PDE1A: variants seen among roughly 807,000 people sequenced by gnomAD.
PDE1A encodes the protein dual specificity calcium/calmodulin-dependent 3',5'-cyclic nucleotide phosphodiesterase 1A.
In PDE1A, 35 loss-of-function variants were observed where a neutral mutation model predicts 61.7. The ratio of observed to expected loss-of-function variants is 0.57; its 90% CI spans 0.43 to 0.75. The LOEUF is 0.75. PDE1A is among the 30% of genes least tolerant of loss of function. The probability of loss-of-function intolerance (pLI) is 0.00; values close to 1 mark genes in which losing one functional copy is unlikely to be tolerated. For synonymous variants in PDE1A, 232 were observed against 213.2 expected (o/e 1.09, Z -0.77); for missense variants, 597 against 630.6 (o/e 0.95, Z 0.57).
chr2:182,178,372 A>G (rs950697256), intron 13 of PDE1A, among the ~76,000 whole-genome samples: 1 of 152,128 alleles, frequency 6.6e-6, no homozygotes, highest in African/African-American at 2.4e-5. Context: ...TGGAGGAGGG[A>G]AAAGCTTAAC....
chr2:182,311,505 C>G (rs1402430683), intron 1 of PDE1A, among the ~76,000 whole-genome samples: 1 of 152,180 alleles, frequency 6.6e-6, no homozygotes, highest in Non-Finnish European at 1.5e-5. Flanking sequence ...CCTTTTCCCT[C>G]AATTCCCTTC....
At chr2:182,284,172 A>G (rs1234653001) in intron 1 of PDE1A, among the ~76,000 whole-genome samples, 1 of 152,122 alleles carries the variant, frequency 6.6e-6, no homozygotes, top group Non-Finnish European at 1.5e-5. Context: ...CTGAGGCTGC[A>G]TTGTCCATGA....
chr2:182,604,457 A>T, the PDE1A span, among the ~76,000 whole-genome samples: 1 of 152,226 alleles, frequency 6.6e-6, no homozygotes, highest in Non-Finnish European at 1.5e-5. Context: ...AAACAGTCAT[A>T]TTCAGAGAAA....
chr2:182,489,590 T>C (rs1260462388), intron 2 of PDE1A, among the ~76,000 whole-genome samples: 2 of 152,140 alleles, frequency 1.3e-5, no homozygotes, highest in Non-Finnish European at 2.9e-5. Flanking sequence ...ATTTTGAAGG[T>C]AGATTCCACA....
At chr2:182,700,860 G>A in the PDE1A span, among the ~76,000 whole-genome samples, 6 of 151,614 alleles carry the variant, frequency 4.0e-5, no homozygotes, top group Non-Finnish European at 5.9e-5. Context: ...GAGGTTGCAA[G>A]GAGCTGAGAC....
intron 13 of PDE1A, among the ~76,000 whole-genome samples, chr2:182,157,605 C>A (rs1053551363): frequency 6.6e-6 from 1 of 151,952 alleles, no homozygotes; most frequent in African/African-American, 2.4e-5. Context: ...GATTTTTTTT[C>A]TCTTCGTTTT....
intron 2 of PDE1A, among the ~76,000 whole-genome samples, chr2:182,449,852 G>T (rs1685395495): frequency 6.6e-6 from 1 of 151,920 alleles, no homozygotes. Flanking sequence ...ACATAGGGCT[G>T]CCCTAATAAC....
At chr2:182,671,361 T>TTTTTTTC in the PDE1A span, among the ~76,000 whole-genome samples, 7,818 of 113,470 alleles carry the variant, frequency 0.069, 411 homozygotes, top group East Asian at 0.099. Context: ...TTTTTTTTTT[T>TTTTTTTC]GTATTTTTAG....
At position 182,309,328 on chromosome 2, in the gene PDE1A, C is replaced by T. The variant is rs1695808849; in HGVS notation, c.54-44914G>A. ...TGACAAAATAGAAAATAACATTGAG[C>T]ATACCATCCTTATAATTCTACAATC... On this transcript the variant is annotated intron_variant, in intron 1 of 13. Coordinates refer to ENST00000351439, the Ensembl canonical transcript of PDE1A. Among the ~76,000 whole-genome samples, 3 of 151,982 alleles carry T rather than the reference C, an allele frequency of 2.0e-5. No homozygotes were observed. In the South Asian group the frequency reaches 6.2e-4, roughly 32 times the overall value.
intron 1 of PDE1A, among the ~76,000 whole-genome samples, chr2:182,290,822 C>T (rs948348584): frequency 3.9e-5 from 6 of 151,948 alleles, no homozygotes; most frequent in Admixed American, 6.6e-5. Context: ...CTTGAGTTCT[C>T]TATTTAGAAT....
intron 1 of PDE1A, among the ~76,000 whole-genome samples, chr2:182,360,656 T>C (rs963193476): frequency 2.0e-5 from 3 of 151,786 alleles, no homozygotes; most frequent in African/African-American, 7.3e-5. Flanking sequence ...CTTTAAAATA[T>C]GACGACAAAG....
intron 11 of PDE1A, 98 bp from the exon 12 acceptor site, chr2:182,186,686 G>T (rs1247933616): frequency 8.1e-7 from 1 of 1,228,138 alleles, no homozygotes; most frequent in Non-Finnish European, 1.1e-6. Context: ...TGACAATCCT[G>T]GGATAGCAAG....
At chr2:182,595,195 T>C in the PDE1A span, among the ~76,000 whole-genome samples, 1 of 152,194 alleles carries the variant, frequency 6.6e-6, no homozygotes, top group South Asian at 2.1e-4. Flanking sequence ...GCCTGAAGCT[T>C]CTGCAATTGA....
At chr2:182,689,397 T>C in the PDE1A span, among the ~76,000 whole-genome samples, 1 of 152,092 alleles carries the variant, frequency 6.6e-6, no homozygotes, top group Non-Finnish European at 1.5e-5. Context: ...CTCAACTACA[T>C]GGAAACTGAA....
intron 1 of PDE1A, among the ~76,000 whole-genome samples, chr2:182,403,415 C>A (rs572934832): frequency 6.6e-6 from 1 of 151,652 alleles, no homozygotes; most frequent in African/African-American, 2.4e-5. Flanking sequence ...CTGGCTAACA[C>A]GGTGAAACCC....
chr2:182,323,388 T>C (rs570710556), intron 1 of PDE1A, among the ~76,000 whole-genome samples: 131 of 152,314 alleles, frequency 8.6e-4, no homozygotes, highest in Non-Finnish European at 1.3e-3. Context: ...ACAAGAGTTC[T>C]AAAGAGAAGT....
chr2:182,238,694 C>T (rs1437016139), intron 3 of PDE1A, among the ~76,000 whole-genome samples: 4 of 152,140 alleles, frequency 2.6e-5, no homozygotes, highest in Non-Finnish European at 5.9e-5. Flanking sequence ...TCTATATGTT[C>T]TTAGCACATT....
intron 2 of PDE1A, among the ~76,000 whole-genome samples, chr2:182,483,969 A>G (rs576807973): frequency 6.6e-6 from 1 of 150,430 alleles, no homozygotes; most frequent in African/African-American, 2.5e-5. Flanking sequence ...CTATAAGAGA[A>G]TATTTTGAAC....
chr2:182,496,890 A>G (rs1160172296), intron 2 of PDE1A, among the ~76,000 whole-genome samples: 2 of 152,162 alleles, frequency 1.3e-5, no homozygotes, highest in Non-Finnish European at 2.9e-5. Flanking sequence ...GTAAGCAACT[A>G]ATTCCTGTAT....
Sources: gnomAD v4.1 joint callset for allele counts (sites outside exome capture counted in the v4.1 genomes callset) on GRCh38, gnomAD v4.1.1 for gene constraint, MANE v1.5 for transcripts, NCBI Gene and HGNC (gene_info 2026-07-23, HGNC 2026-07-21) for gene names.